Variants in ST8SIA5 observed in about 807,000 individuals in gnomAD.
ST8SIA5 encodes alpha-2,8-sialyltransferase 8E.
A neutral mutation model predicts 40.2 loss-of-function variants in ST8SIA5; 24 were observed. That is an observed-to-expected ratio of 0.60 (90% CI 0.43 to 0.84). The LOEUF is 0.84. Ranked by LOEUF, ST8SIA5 falls within the 40% of genes least tolerant of loss-of-function variation. ST8SIA5 has a pLI of 0.00. For synonymous variants in ST8SIA5, 198 were observed against 201.8 expected (o/e 0.98, Z 0.16); for missense variants, 465 against 498.5 (o/e 0.93, Z 0.64).
At chr18:46,727,171 T>C (rs2039939643) in intron 1 of ST8SIA5, among the ~76,000 whole-genome samples, 1 of 152,252 alleles carries the variant, frequency 6.6e-6, no homozygotes, top group Non-Finnish European at 1.5e-5. Flanking sequence ...GAAAAGTGTG[T>C]GGTGCCACCT....
intron 1 of ST8SIA5, among the ~76,000 whole-genome samples, chr18:46,725,346 T>C (rs879660026): frequency 4.6e-5 from 7 of 152,114 alleles, no homozygotes; most frequent in Non-Finnish European, 1.0e-4. Flanking sequence ...CCTTAAAAAA[T>C]AGTCTAACCA....
chr18:46,697,656 T>C (rs951552194), intron 2 of ST8SIA5, among the ~76,000 whole-genome samples: 5 of 152,084 alleles, frequency 3.3e-5, no homozygotes, highest in Admixed American at 2.0e-4. Flanking sequence ...CAGTAAGCTA[T>C]GATCACACCA....
chr18:46,697,021 T>C lies in ST8SIA5; in HGVS notation c.225-4766A>G, dbSNP rs116005030. On this transcript the variant is annotated intron_variant, in intron 2 of 6. Coordinates refer to ENST00000315087, the MANE Select transcript of ST8SIA5 (RefSeq NM_013305.6). ...AGTTGTGAGTCTGTAAGCAGAACCA[T>C]CAAGCCTACACTCCCCCTACCCCAC... Among the ~76,000 whole-genome samples the C allele has an allele frequency of 9.7e-3, 1,419 of 146,172 alleles. 27 individuals carry two copies. Among genetic ancestry groups the C allele is most frequent in the African/African-American group, 0.034 (1,331 of 39,434 alleles).
chr18:46,756,631 G>A lies in ST8SIA5; in HGVS notation c.-123C>T. On this transcript the variant is annotated 5_prime_UTR_variant, in exon 1 of 7. Coordinates refer to ENST00000315087, the MANE Select transcript of ST8SIA5 (RefSeq NM_013305.6). ...TCACGGTGCGGTCAGGCAGGCGGGGGACTTCGAGGGGCAAAGTTTCTGGTT... is the reference window on the plus strand; with the variant it reads ...TCACGGTGCGGTCAGGCAGGCGGGGAACTTCGAGGGGCAAAGTTTCTGGTT... The A allele has an allele frequency of 8.4e-7, 1 of 1,186,028 alleles. No homozygotes were observed. The highest frequency in any genetic ancestry group is 1.6e-5 in the South Asian group (1 of 61,002). 73.5% of individuals were successfully genotyped at this position (1,186,028 alleles called of 1,614,324 possible).
At chr18:46,681,271 C>T (rs1052744054) in intron 6 of ST8SIA5, among the ~76,000 whole-genome samples, 4 of 152,190 alleles carry the variant, frequency 2.6e-5, no homozygotes, top group Admixed American at 2.0e-4. Context: ...AGCCACCACA[C>T]CTGGCCCCAT....
intron 1 of ST8SIA5, among the ~76,000 whole-genome samples, chr18:46,717,418 C>A (rs573746873): frequency 7.9e-5 from 12 of 152,312 alleles, no homozygotes; most frequent in African/African-American, 2.9e-4. Flanking sequence ...TCACCACAAC[C>A]TCTGCCTCCT....
Position 46,714,896 on chromosome 18 carries a change from T to C in ST8SIA5, c.132-10232A>G, listed in dbSNP as rs2039771291. ...TTTGCCCAGGAGACTCCACAGAGAC[T>C]CAAAAGCCATAAAGCTTTGGGTTCA... On this transcript the variant is annotated intron_variant, in intron 1 of 6. Coordinates refer to ENST00000315087, the MANE Select transcript of ST8SIA5 (RefSeq NM_013305.6). Among the ~76,000 whole-genome samples, 3 of 152,064 alleles carry C rather than the reference T, an allele frequency of 2.0e-5. No homozygotes were observed. In the South Asian group the frequency reaches 6.2e-4, roughly 32 times the overall value.
intron 3 of ST8SIA5, 81 bp downstream of exon 3, chr18:46,692,088 T>C: frequency 6.8e-7 from 1 of 1,474,124 alleles, no homozygotes; most frequent in African/African-American, 1.4e-5. Context: ...GAGCTGGGCC[T>C]TGCAGGACAA....
intron 2 of ST8SIA5, among the ~76,000 whole-genome samples, chr18:46,703,086 C>A (rs1344242980): frequency 6.6e-6 from 1 of 152,242 alleles, no homozygotes; most frequent in African/African-American, 2.4e-5. Flanking sequence ...TTATTGAACA[C>A]CTATGATGTG....
intron 1 of ST8SIA5, among the ~76,000 whole-genome samples, chr18:46,732,671 A>C (rs2039996082): frequency 6.6e-6 from 1 of 152,234 alleles, no homozygotes. Flanking sequence ...AATCATTCAC[A>C]AACGTTGCTA....
intron 1 of ST8SIA5, among the ~76,000 whole-genome samples, chr18:46,708,220 G>C (rs1045434529): frequency 6.6e-6 from 1 of 152,174 alleles, no homozygotes; most frequent in Non-Finnish European, 1.5e-5. Context: ...GTCTCTGATG[G>C]TAAGCTGGTT....
chr18:46,705,541 C>T (rs970095967), intron 1 of ST8SIA5, among the ~76,000 whole-genome samples: 3 of 152,230 alleles, frequency 2.0e-5, no homozygotes, highest in African/African-American at 7.2e-5. Flanking sequence ...GGTGGCAGAG[C>T]CAAGATGGGA....
intron 6 of ST8SIA5, among the ~76,000 whole-genome samples, chr18:46,681,697 C>T (rs1417847485): frequency 1.3e-5 from 2 of 152,110 alleles, no homozygotes; most frequent in South Asian, 2.1e-4. Flanking sequence ...TAACAATGTC[C>T]GAGTAAGCAC....
chr18:46,688,953 A>G, intron 3 of ST8SIA5, 34 bp from the exon 4 acceptor site: 3 of 1,594,132 alleles, frequency 1.9e-6, no homozygotes, highest in Non-Finnish European at 2.6e-6. Context: ...GAAAGACGTG[A>G]TGCAGGAAAG....
chr18:46,712,046 G>C (rs1367556056), intron 1 of ST8SIA5, among the ~76,000 whole-genome samples: 1 of 152,180 alleles, frequency 6.6e-6, no homozygotes, highest in Non-Finnish European at 1.5e-5. Context: ...GGGGGTAGCA[G>C]GGCAAAGCCT....
intron 1 of ST8SIA5, among the ~76,000 whole-genome samples, chr18:46,706,759 C>A (rs2039674091): frequency 6.6e-6 from 1 of 152,146 alleles, no homozygotes; most frequent in African/African-American, 2.4e-5. Context: ...GGATTCAGAC[C>A]TGTTATAGGG....
At chr18:46,721,488 A>AGG in intron 1 of ST8SIA5, 2 of 1,531,450 alleles carry the variant, frequency 1.3e-6, no homozygotes, top group Non-Finnish European at 8.8e-7. Flanking sequence ...AAAACGAGGC[A>AGG]GTCGGTACTC....
At chr18:46,730,398 A>G in intron 1 of ST8SIA5, 1 of 258,618 alleles carries the variant, frequency 3.9e-6, no homozygotes, top group Non-Finnish European at 6.0e-6. Flanking sequence ...ACATGCATAT[A>G]AAGGCTTTTA....
intron 1 of ST8SIA5, among the ~76,000 whole-genome samples, chr18:46,722,580 C>T (rs1439494729): frequency 6.6e-6 from 1 of 152,246 alleles, no homozygotes; most frequent in Non-Finnish European, 1.5e-5. Context: ...TTAATTGCCC[C>T]AGGGCAGGCT....
Sources: allele counts gnomAD v4.1 joint callset (sites outside exome capture counted in the v4.1 genomes callset), GRCh38; gene constraint gnomAD v4.1.1; transcripts MANE v1.5; gene names NCBI Gene and HGNC (gene_info 2026-07-23, HGNC 2026-07-21).